Variants in NKAIN2 observed in about 807,000 individuals in gnomAD.
NKAIN2 encodes the protein sodium/potassium transporting ATPase interacting 2.
In NKAIN2, 14 loss-of-function variants were observed where a neutral mutation model predicts 32.6. That is an observed-to-expected ratio of 0.43 (90% CI 0.28 to 0.67). The LOEUF (loss-of-function observed/expected upper bound fraction) is 0.67, where lower values mean the gene tolerates loss of function less well. Ranked by LOEUF, NKAIN2 falls within the 30% of genes least tolerant of loss-of-function variation. NKAIN2 has a pLI of 0.17. For synonymous variants in NKAIN2, 80 were observed against 87.2 expected, an observed-to-expected ratio of 0.92 and a Z score of 0.46; for missense variants, 198 against 258.3, an observed-to-expected ratio of 0.77 and a Z score of 1.60.
chr6:124,100,435 C>T (rs1195459581), intron 1 of NKAIN2, among the ~76,000 whole-genome samples: 4 of 152,234 alleles, frequency 2.6e-5, no homozygotes, highest in Admixed American at 6.5e-5. Context: ...TTGAATTTAA[C>T]ATTTATTTAA....
At chr6:123,949,705 C>G (rs1413405447) in intron 1 of NKAIN2, among the ~76,000 whole-genome samples, 1 of 151,898 alleles carries the variant, frequency 6.6e-6, no homozygotes, top group African/African-American at 2.4e-5. Context: ...TTGGTGAAAT[C>G]TTTAGGCTTT....
chr6:124,545,262 T>C (rs1583417985), intron 3 of NKAIN2, among the ~76,000 whole-genome samples: 1 of 152,164 alleles, frequency 6.6e-6, no homozygotes, highest in African/African-American at 2.4e-5. Flanking sequence ...TTGAAAATAA[T>C]ATCAAACACG....
At chr6:124,539,074 C>G (rs1779817126) in intron 3 of NKAIN2, among the ~76,000 whole-genome samples, 1 of 152,110 alleles carries the variant, frequency 6.6e-6, no homozygotes, top group South Asian at 2.1e-4. Flanking sequence ...AGAATTATGT[C>G]TATCCATACA....
At position 124,203,518 on chromosome 6, in the gene NKAIN2, G is replaced by T. The variant is rs146063586; in HGVS notation, c.55-79487G>T. 6.0e-3 allele frequency among the ~76,000 whole-genome samples: 904 copies of T among 151,764 alleles called. 10 individuals are homozygous for T. Among genetic ancestry groups the T allele is most frequent in the African/African-American group, 0.019 (770 of 41,464 alleles). ...CTAATTTTTAAAATTTTTTTCCAGA[G>T]AATTTTAAGGCAAATTCTGGCTTTC... On this transcript the variant is annotated intron_variant, in intron 1 of 6. Transcript: ENST00000368417.
chr6:124,076,833 G>T (rs1783717344), intron 1 of NKAIN2, among the ~76,000 whole-genome samples: 1 of 152,288 alleles, frequency 6.6e-6, no homozygotes, highest in Admixed American at 6.5e-5. Context: ...AGGCTCTCCT[G>T]TCTGCCAGTT....
intron 1 of NKAIN2, among the ~76,000 whole-genome samples, chr6:124,149,879 C>T (rs1353801166): frequency 1.3e-5 from 2 of 150,264 alleles, no homozygotes; most frequent in Non-Finnish European, 3.0e-5. Flanking sequence ...GCTGGACCTG[C>T]TTGCTTTTAT....
At chr6:123,880,781 G>GTATA (rs1773417642) in intron 1 of NKAIN2, among the ~76,000 whole-genome samples, 1 of 151,976 alleles carries the variant, frequency 6.6e-6, no homozygotes, top group African/African-American at 2.4e-5. Flanking sequence ...TTTTCAGACC[G>GTATA]TATAACCATA....
intron 4 of NKAIN2, among the ~76,000 whole-genome samples, chr6:124,738,002 A>G (rs1777034541): frequency 6.6e-6 from 1 of 151,918 alleles, no homozygotes; most frequent in Admixed American, 6.6e-5. Context: ...ATAGCAAAGG[A>G]AAACCCATTT....
chr6:124,362,594 A>G (rs1265577995), intron 3 of NKAIN2, among the ~76,000 whole-genome samples: 1 of 152,022 alleles, frequency 6.6e-6, no homozygotes. Context: ...ATCTTTACAC[A>G]TATGTCTACC....
At chr6:123,943,305 A>G (rs578219057) in intron 1 of NKAIN2, among the ~76,000 whole-genome samples, 2 of 152,198 alleles carry the variant, frequency 1.3e-5, no homozygotes, top group Admixed American at 6.6e-5. Context: ...GAATATTGGG[A>G]CAGATATATA....
intron 1 of NKAIN2, among the ~76,000 whole-genome samples, chr6:123,819,851 G>C (rs1234156422): frequency 6.6e-6 from 1 of 152,206 alleles, no homozygotes; most frequent in South Asian, 2.1e-4. Context: ...TTATGAGAAA[G>C]AGTTTGTTCA....
intron 2 of NKAIN2, among the ~76,000 whole-genome samples, chr6:124,342,638 G>A (rs1487331043): frequency 6.6e-6 from 1 of 151,662 alleles, no homozygotes; most frequent in Non-Finnish European, 1.5e-5. Flanking sequence ...CTCCTGAGTA[G>A]CTGGGATTAC....
chr6:124,708,041 G>A (rs955573470), intron 4 of NKAIN2, among the ~76,000 whole-genome samples: 2 of 148,060 alleles, frequency 1.4e-5, no homozygotes, highest in African/African-American at 2.5e-5. Context: ...AAGGGATCCA[G>A]TTTCAGCTTT....
chr6:124,133,324 C>A (rs541790177), intron 1 of NKAIN2, among the ~76,000 whole-genome samples: 48 of 152,264 alleles, frequency 3.2e-4, no homozygotes, highest in Non-Finnish European at 6.5e-4. Flanking sequence ...GATCTGAATA[C>A]CTGAAACACT....
In NKAIN2 at chr6:124,212,710, G is replaced by A. The variant is rs928835345; in HGVS notation, c.55-70295G>A. Among the ~76,000 whole-genome samples, 6 of 152,076 alleles carry A rather than the reference G, an allele frequency of 3.9e-5. No individual in the cohort carries two copies. In the South Asian group the frequency reaches 6.2e-4, roughly 16 times the overall value. ...TATGAATTTTCTAATTTTAGCATTC[G>A]TTGTTCTTCTAAATCTCATTTTTAT... On this transcript the variant is annotated intron_variant, in intron 1 of 6. Transcript: ENST00000368417.
chr6:124,175,310 T>C (rs1307014013), intron 1 of NKAIN2, among the ~76,000 whole-genome samples: 2 of 152,120 alleles, frequency 1.3e-5, no homozygotes, highest in Non-Finnish European at 2.9e-5. Context: ...CATTACTATT[T>C]GTAGGGAAAA....
chr6:124,099,950 G>T (rs187858996), intron 1 of NKAIN2, among the ~76,000 whole-genome samples: 6 of 152,130 alleles, frequency 3.9e-5, no homozygotes, highest in Non-Finnish European at 5.9e-5. Flanking sequence ...TTTAAAGATC[G>T]GTTGCTACCA....
At position 124,624,852 on chromosome 6, in the gene NKAIN2, TAA is replaced by T. The variant is rs547398149; in HGVS notation, c.274-33333_274-33332del. ...AAAATATCGCTTGAGCAAATGGTTA[TAA>T]GTTATTTAAATAAAAAATAAAATGC... On this transcript the variant is annotated intron_variant, in intron 3 of 6. Transcript: ENST00000368417. Among the ~76,000 whole-genome samples, 533 of 147,560 alleles carry T rather than the reference TAA, an allele frequency of 3.6e-3. 5 individuals are homozygous for T. Among genetic ancestry groups the T allele is most frequent in the African/African-American group, 0.013 (504 of 38,400 alleles).
At chr6:124,456,508 C>A (rs1776327700) in intron 3 of NKAIN2, among the ~76,000 whole-genome samples, 1 of 151,902 alleles carries the variant, frequency 6.6e-6, no homozygotes, top group Non-Finnish European at 1.5e-5. Context: ...TGGAGTTTAT[C>A]ATTCCTTTAA....
Sources: allele counts gnomAD v4.1 joint callset (sites outside exome capture counted in the v4.1 genomes callset), GRCh38; gene constraint gnomAD v4.1.1; transcripts MANE v1.5; gene names NCBI Gene and HGNC (gene_info 2026-07-23, HGNC 2026-07-21).